PCDHA10: variants seen among roughly 807,000 people sequenced by gnomAD.
The protein encoded by PCDHA10 is protocadherin alpha-10.
PCDHA10 carries 45 observed loss-of-function variants against 61.2 expected under a neutral mutation model. That is an observed-to-expected ratio of 0.74 (90% CI 0.58 to 0.94). PCDHA10 has a LOEUF of 0.94. PCDHA10 is among the 40% of genes least tolerant of loss of function. The pLI, the probability that PCDHA10 is intolerant of heterozygous loss-of-function variation, is 0.00. For synonymous variants in PCDHA10, 602 were observed against 548.8 expected (o/e 1.10, Z -1.35); for missense variants, 1,278 against 1,236.2 (o/e 1.03, Z -0.51).
At chr5:140,926,964 C>T (rs149218057) in intron 1 of PCDHA10, 1 of 1,606,346 alleles carries the variant, frequency 6.2e-7, no homozygotes, top group Non-Finnish European at 8.5e-7. Flanking sequence ...AGCTCGAGTA[C>T]TCAGTGCCGG....
chr5:141,009,833 G>A lies in PCDHA10; in HGVS notation c.2743G>A (p.Gly915Ser), dbSNP rs782642898. The A allele has an allele frequency of 8.7e-6, 14 of 1,613,366 alleles. No homozygotes were observed. The highest frequency in any genetic ancestry group is 2.7e-5 in the African/African-American group (2 of 74,746). ...TGACAAAAGTGACTTCATAACCTTC[G>A]GCAAAAAGGAGGAGACCAAGAAAAA... ...QIDKSDFITF[G>S]KKEETKKKKK... Residue 915 changes from glycine (G) to serine (S), a missense_variant, in exon 4 of 4, where the codon GGC (glycine) becomes AGC (serine). Physicochemically the swap from Gly to Ser is moderately conservative, Grantham distance 56 (BLOSUM62 0). Coordinates refer to ENST00000307360, the MANE Select transcript of PCDHA10 (RefSeq NM_018901.4).
chr5:140,897,227 C>T (rs1554187259), intron 1 of PCDHA10, among the ~76,000 whole-genome samples: 1 of 152,036 alleles, frequency 6.6e-6, no homozygotes, highest in Non-Finnish European at 1.5e-5. Flanking sequence ...TACATGTGCA[C>T]AATGTGCAGG....
At chr5:140,859,469 A>G in intron 1 of PCDHA10, 1 of 211,582 alleles carries the variant, frequency 4.7e-6, no homozygotes, top group Non-Finnish European at 9.2e-6. Context: ...CTACACTATC[A>G]ATTGTGTTTT....
intron 1 of PCDHA10, among the ~76,000 whole-genome samples, chr5:140,946,631 T>TATATATATACAC (rs57893927): frequency 0.012 from 1,602 of 131,782 alleles, 27 homozygotes; most frequent in South Asian, 0.028. Flanking sequence ...TATATATATA[T>TATATATATACAC]ACAATGGAAT....
At chr5:140,980,616 G>A (rs2096898086) in intron 2 of PCDHA10, among the ~76,000 whole-genome samples, 4 of 151,912 alleles carry the variant, frequency 2.6e-5, no homozygotes, top group Admixed American at 2.0e-4. Context: ...GCGACAGTGC[G>A]AGACTCTGTC....
intron 1 of PCDHA10, among the ~76,000 whole-genome samples, chr5:140,944,325 T>C (rs1179163685): frequency 1.3e-5 from 2 of 152,196 alleles, no homozygotes; most frequent in East Asian, 3.9e-4. Context: ...GTAGCTGGGA[T>C]TACAAGCACG....
Position 140,916,518 on chromosome 5 carries a change from T to A in PCDHA10, c.2388+58082T>A, listed in dbSNP as rs187386381. Among the ~76,000 whole-genome samples the A allele has an allele frequency of 2.6e-5, 4 of 152,306 alleles. No homozygotes were observed. The East Asian group carries it at 7.7e-4, about 29-fold the overall frequency. ...AGCAGGTGATTAATCTTGCCAAGACTGGGTCCTTCCCACCAAGGCAATGGG... is the reference window on the plus strand; with the variant it reads ...AGCAGGTGATTAATCTTGCCAAGACAGGGTCCTTCCCACCAAGGCAATGGG... On this transcript the variant is annotated intron_variant, in intron 1 of 3. Coordinates refer to ENST00000307360, the MANE Select transcript of PCDHA10 (RefSeq NM_018901.4).
intron 1 of PCDHA10, chr5:140,884,510 T>G: frequency 6.2e-7 from 1 of 1,613,982 alleles, no homozygotes; most frequent in Non-Finnish European, 8.5e-7. Flanking sequence ...GGCAGGGAGT[T>G]GGTCGTACTC....
At chr5:140,919,452 A>G (rs1430872710) in intron 1 of PCDHA10, among the ~76,000 whole-genome samples, 4 of 152,182 alleles carry the variant, frequency 2.6e-5, no homozygotes, top group Non-Finnish European at 4.4e-5. Context: ...ATGTATTCAC[A>G]TGATGTTACT....
chr5:140,973,606 G>T (rs1554235444), intron 1 of PCDHA10, among the ~76,000 whole-genome samples: 1 of 152,204 alleles, frequency 6.6e-6, no homozygotes, highest in African/African-American at 2.4e-5. Flanking sequence ...TTATGGCTGA[G>T]CTCTTCTCTG....
chr5:140,978,656 G>A (rs2096815434), intron 1 of PCDHA10, among the ~76,000 whole-genome samples: 1 of 152,248 alleles, frequency 6.6e-6, no homozygotes, highest in African/African-American at 2.4e-5. Flanking sequence ...TCTTCCCGTA[G>A]TGTTTTAAGA....
At chr5:140,929,421 A>G (rs2086144210) in intron 1 of PCDHA10, 2 of 1,502,092 alleles carry the variant, frequency 1.3e-6, no homozygotes, top group Non-Finnish European at 1.8e-6. Flanking sequence ...ACAACATTTC[A>G]TCAATTGAAC....
chr5:140,952,546 C>T (rs1449369285), intron 1 of PCDHA10, among the ~76,000 whole-genome samples: 1 of 152,108 alleles, frequency 6.6e-6, no homozygotes, highest in African/African-American at 2.4e-5. Flanking sequence ...CTTCTTTGTC[C>T]ATTTCACTAT....
intron 1 of PCDHA10, among the ~76,000 whole-genome samples, chr5:140,888,353 A>G (rs907810387): frequency 1.9e-4 from 29 of 152,220 alleles, no homozygotes; most frequent in African/African-American, 6.8e-4. Context: ...GGGAATTGCT[A>G]CTGGCATCTA....
At chr5:140,990,129 A>G (rs868941506) in intron 3 of PCDHA10, among the ~76,000 whole-genome samples, 6 of 152,296 alleles carry the variant, frequency 3.9e-5, no homozygotes, top group Middle Eastern at 3.4e-3. Flanking sequence ...TGTAGAAGTC[A>G]GACTCAAGAG....
At chr5:140,897,378 C>T (rs992566047) in intron 1 of PCDHA10, among the ~76,000 whole-genome samples, 8 of 144,246 alleles carry the variant, frequency 5.5e-5, no homozygotes, top group Admixed American at 4.3e-4. Context: ...GTTCCCTTCC[C>T]CTTCCTGTGT....
chr5:140,948,464 G>A (rs1357759863), intron 1 of PCDHA10, among the ~76,000 whole-genome samples: 1 of 151,508 alleles, frequency 6.6e-6, no homozygotes, highest in Non-Finnish European at 1.5e-5. Flanking sequence ...TTTAGGGAAA[G>A]TTTCTGATAA....
intron 1 of PCDHA10, among the ~76,000 whole-genome samples, chr5:140,939,155 G>C (rs1279259680): frequency 6.6e-6 from 1 of 152,196 alleles, no homozygotes; most frequent in Non-Finnish European, 1.5e-5. Flanking sequence ...GGTCCTGGCA[G>C]ATTTGTGTCT....
chr5:140,967,985 A>G, intron 1 of PCDHA10: 3 of 1,614,218 alleles, frequency 1.9e-6, no homozygotes, highest in East Asian at 4.5e-5. Flanking sequence ...TCTGGAGGCC[A>G]CACTGCCTTT....
Sources: gnomAD v4.1 joint callset for allele counts (sites outside exome capture counted in the v4.1 genomes callset) on GRCh38, gnomAD v4.1.1 for gene constraint, MANE v1.5 for transcripts, NCBI Gene and HGNC (gene_info 2026-07-23, HGNC 2026-07-21) for gene names.